BICRAL: variants seen among roughly 807,000 people sequenced by gnomAD.
BICRAL encodes BRD4-interacting chromatin-remodeling complex-associated protein-like.
In BICRAL, 8 loss-of-function variants were observed where a neutral mutation model predicts 91.8. The observed-to-expected ratio is 0.09, with a 90% CI of 0.05 to 0.16. The LOEUF is 0.16. Ranked by LOEUF, BICRAL falls within the 10% of genes least tolerant of loss-of-function variation. BICRAL has a pLI of 1.00. For missense variants in BICRAL, 1,038 were observed against 1,310.9 expected (o/e 0.79, Z 3.21); for synonymous variants, 445 against 491.1 (o/e 0.91, Z 1.24).
intron 1 of BICRAL, among the ~76,000 whole-genome samples, chr6:42,747,539 TAAAAC>T (rs1416004099): frequency 1.3e-5 from 2 of 152,128 alleles, no homozygotes; most frequent in African/African-American, 4.8e-5. Context: ...CCTTCCCACT[TAAAAC>T]AAACAAAACA....
At chr6:42,840,219 TTTTGTTTG>T (rs143931324) in intron 6 of BICRAL, among the ~76,000 whole-genome samples, 18,263 of 150,300 alleles carry the variant, frequency 0.12, 1,566 homozygotes, top group African/African-American at 0.24. Flanking sequence ...TTTTGTTCTT[TTTTGTTTG>T]TTTGTTTGTT....
chr6:42,757,474 G>A (rs763041294), intron 1 of BICRAL, among the ~76,000 whole-genome samples: 1 of 152,104 alleles, frequency 6.6e-6, no homozygotes, highest in African/African-American at 2.4e-5. Context: ...GGATGGTCTC[G>A]ATCTCCTGAC....
intron 1 of BICRAL, among the ~76,000 whole-genome samples, chr6:42,798,388 A>AGT: frequency 6.6e-6 from 1 of 151,602 alleles, no homozygotes; most frequent in South Asian, 2.1e-4. Flanking sequence ...AAGAAAAAAA[A>AGT]TTTTTTTAAT....
chr6:42,803,790 A>G (rs1763637450), intron 1 of BICRAL, among the ~76,000 whole-genome samples: 1 of 152,216 alleles, frequency 6.6e-6, no homozygotes, highest in Non-Finnish European at 1.5e-5. Flanking sequence ...CAATTTCATT[A>G]TCTTGTGAAT....
In BICRAL at chr6:42,804,265, G is replaced by C. The variant is rs951615442; in HGVS notation, c.-101-6041G>C. Among the ~76,000 whole-genome samples, 5 of 152,206 alleles carry C rather than the reference G, an allele frequency of 3.3e-5. No homozygotes were observed. In the East Asian group the frequency reaches 9.7e-4, roughly 29 times the overall value. The stretch of plus-strand genomic sequence containing the variant: ...TCAAACTCCTGACCTCAGGTGAACC[G>C]CCCACCTCAGCCTCCCAAAAGTTCT... On this transcript the variant is annotated intron_variant, in intron 1 of 12. Coordinates refer to ENST00000314073, the MANE Select transcript of BICRAL (RefSeq NM_001393499.1).
intron 8 of BICRAL, among the ~76,000 whole-genome samples, chr6:42,854,447 G>T (rs964719140): frequency 2.6e-5 from 4 of 152,090 alleles, no homozygotes; most frequent in Non-Finnish European, 5.9e-5. Context: ...GCCTCCCAAA[G>T]TACCTGGATT....
intron 1 of BICRAL, among the ~76,000 whole-genome samples, chr6:42,758,712 CA>C (rs71758339): frequency 0.05 from 5,212 of 103,532 alleles, 212 homozygotes; most frequent in African/African-American, 0.16. Context: ...TCGGGGGGTC[CA>C]AAAAAAAAAA....
rs189545848 is a variant in BICRAL, at chr6:42,843,063, G to A, written c.1840-9029G>A. 7.9e-5 allele frequency among the ~76,000 whole-genome samples: 12 copies of A among 152,144 alleles called. No individual in the cohort carries two copies. The East Asian group carries it at 2.1e-3, about 27-fold the overall frequency. ...GTAGAGACGGGGTTTTACCATGTTA[G>A]CCAGGCTGGTCTCGAACTCCTGACC... On this transcript the variant is annotated intron_variant, in intron 6 of 12. Transcript: ENST00000314073.
At chr6:42,802,122 T>A (rs527751836) in intron 1 of BICRAL, among the ~76,000 whole-genome samples, 3 of 151,926 alleles carry the variant, frequency 2.0e-5, no homozygotes, top group East Asian at 1.9e-4. Context: ...ATGAATTTTT[T>A]AAAAATTAGT....
intron 1 of BICRAL, among the ~76,000 whole-genome samples, chr6:42,767,483 G>T (rs1000151475): frequency 5.9e-5 from 9 of 152,140 alleles, no homozygotes; most frequent in African/African-American, 1.9e-4. Context: ...ACATCATTAG[G>T]TCCAGGGAAC....
intron 8 of BICRAL, 93 bp downstream of exon 8, chr6:42,853,831 T>G (rs1765266216): frequency 1.1e-6 from 1 of 912,434 alleles, no homozygotes; most frequent in East Asian, 2.5e-5. Context: ...GCTAGCTTTG[T>G]GTGCACAGTC....
intron 1 of BICRAL, among the ~76,000 whole-genome samples, chr6:42,802,901 C>T (rs1221426937): frequency 6.6e-6 from 1 of 152,126 alleles, no homozygotes; most frequent in East Asian, 1.9e-4. Context: ...CAATCATTTC[C>T]TGTGTATGGT....
At chr6:42,787,309 A>T (rs1763128839) in intron 1 of BICRAL, among the ~76,000 whole-genome samples, 1 of 152,110 alleles carries the variant, frequency 6.6e-6, no homozygotes, top group Non-Finnish European at 1.5e-5. Flanking sequence ...GGGTAGCAAG[A>T]GTTCTGTGTA....
chr6:42,846,108 G>A (rs901328275), intron 6 of BICRAL, among the ~76,000 whole-genome samples: 3 of 150,232 alleles, frequency 2.0e-5, no homozygotes, highest in African/African-American at 7.4e-5. Flanking sequence ...CAGGCGTCAT[G>A]GCTCACACCT....
chr6:42,857,078 T>C lies in BICRAL; in HGVS notation c.2109-13T>C. On this transcript the variant is annotated splice_polypyrimidine_tract_variant and intron_variant, in intron 9 of 12. Transcript: ENST00000314073. ...ATGACTTTACATTGACATTGACCAT[T>C]TCCCTTGTAAAGCATTCTCCAGCAG... is the stretch of plus-strand genomic sequence containing the variant. 2 of 1,602,530 alleles carry C rather than the reference T, an allele frequency of 1.2e-6. No individual in the cohort carries two copies. Among genetic ancestry groups the C allele is most frequent in the South Asian group, 2.2e-5 (2 of 89,320 alleles).
intron 1 of BICRAL, among the ~76,000 whole-genome samples, chr6:42,752,949 C>T (rs551012344): frequency 8.2e-5 from 9 of 109,528 alleles, no homozygotes; most frequent in African/African-American, 2.9e-4. Flanking sequence ...TGGGGGGGTA[C>T]GGAGTTTTGC....
intron 1 of BICRAL, among the ~76,000 whole-genome samples, chr6:42,809,046 A>G (rs58442277): frequency 0.014 from 2,164 of 150,812 alleles, 48 homozygotes; most frequent in African/African-American, 0.05. Context: ...TGTTAGGCTT[A>G]TTTCTTTTTT....
chr6:42,841,596 A>G (rs1764801399), intron 6 of BICRAL, among the ~76,000 whole-genome samples: 1 of 152,092 alleles, frequency 6.6e-6, no homozygotes, highest in Admixed American at 6.6e-5. Context: ...TTGTATTTTC[A>G]GACGTCTGGA....
Position 42,829,936 on chromosome 6 carries a change from T to C in BICRAL, c.1603T>C (p.Ser535Pro). 1.2e-6 allele frequency: 2 copies of C among 1,614,228 alleles called. No individual in the cohort carries two copies. The highest frequency in any genetic ancestry group is 1.7e-6 in the Non-Finnish European group (2 of 1,180,046). The part of the protein sequence containing the change: ...FATMPSVTSM[S>P]GPSRFPAVSS... ...CACCATGCCATCGGTGACAAGCATG[T>C]CAGGACCTAGTCGGTTCCCTGCTGT... The change falls in exon 6 of 13, where the codon TCA becomes CCA. Residue 535 changes from serine to proline, a missense_variant. By Grantham distance (74) the Ser-to-Pro change is moderately conservative. Coordinates refer to ENST00000314073, the MANE Select transcript of BICRAL (RefSeq NM_001393499.1).
Sources: gnomAD v4.1 joint callset for allele counts (sites outside exome capture counted in the v4.1 genomes callset) on GRCh38, gnomAD v4.1.1 for gene constraint, MANE v1.5 for transcripts, NCBI Gene and HGNC (gene_info 2026-07-23, HGNC 2026-07-21) for gene names.